FAM13B: variants seen among roughly 807,000 people sequenced by gnomAD.
FAM13B encodes the protein family with sequence similarity 13 member B, also known as protein FAM13B.
FAM13B carries 60 observed loss-of-function variants against 117.3 expected under a neutral mutation model. The ratio of observed to expected loss-of-function variants is 0.51; its 90% CI spans 0.42 to 0.63. FAM13B has a LOEUF of 0.63. Among genes scored for constraint, FAM13B ranks in the 30% least tolerant of loss-of-function variants. The pLI, the probability that FAM13B is intolerant of heterozygous loss-of-function variation, is 0.00. For synonymous variants in FAM13B, 332 were observed against 356.1 expected, an observed-to-expected ratio of 0.93 and a Z score of 0.76; for missense variants, 972 against 1,091.9, an observed-to-expected ratio of 0.89 and a Z score of 1.55.
chr5:138,010,874 A>C, intron 6 of FAM13B, 134 bp downstream of exon 6: 1 of 938,710 alleles, frequency 1.1e-6, no homozygotes, highest in Non-Finnish European at 1.5e-6. Context: ...TACTGATTAC[A>C]TATAATAACC....
At chr5:138,043,174 A>G (rs1791546430) in intron 1 of FAM13B, among the ~76,000 whole-genome samples, 1 of 152,072 alleles carries the variant, frequency 6.6e-6, no homozygotes, top group South Asian at 2.1e-4. Flanking sequence ...GACCAGCCTG[A>G]GCACCATAGT....
intron 1 of FAM13B, among the ~76,000 whole-genome samples, chr5:138,051,103 T>C (rs1218495086): frequency 6.6e-6 from 1 of 152,184 alleles, no homozygotes; most frequent in Non-Finnish European, 1.5e-5. Context: ...TTCTGAAATA[T>C]ATCCTCTCAG....
At chr5:138,012,375 C>T (rs1439770384) in intron 4 of FAM13B, among the ~76,000 whole-genome samples, 1 of 151,928 alleles carries the variant, frequency 6.6e-6, no homozygotes, top group Non-Finnish European at 1.5e-5. Flanking sequence ...ATTTGAGGGG[C>T]TAATAGTATC....
chr5:137,975,980 C>CATTTTTTTTTTTTT (rs557328911), intron 10 of FAM13B, among the ~76,000 whole-genome samples: 5 of 110,206 alleles, frequency 4.5e-5, no homozygotes, highest in African/African-American at 1.8e-4. Flanking sequence ...TCAACTCTTC[C>CATTTTTTTTTTTTT]TTTTTTTTTT....
intron 20 of FAM13B, among the ~76,000 whole-genome samples, chr5:137,945,172 C>T (rs1200278933): frequency 6.6e-6 from 1 of 151,940 alleles, no homozygotes; most frequent in Non-Finnish European, 1.5e-5. Flanking sequence ...AAGTAGCTGT[C>T]TACATAAAAA....
intron 10 of FAM13B, among the ~76,000 whole-genome samples, chr5:137,985,020 T>C (rs915582185): frequency 5.3e-5 from 8 of 152,076 alleles, no homozygotes; most frequent in Non-Finnish European, 1.2e-4. Flanking sequence ...CTGCCCGCCT[T>C]GGCCTCCCAA....
chr5:138,043,915 G>C (rs954293496), intron 1 of FAM13B, among the ~76,000 whole-genome samples: 1 of 151,538 alleles, frequency 6.6e-6, no homozygotes, highest in Non-Finnish European at 1.5e-5. Context: ...ATGAAAAGGG[G>C]GGTATTTTGG....
At position 138,032,877 on chromosome 5, in the gene FAM13B, C is replaced by G; in HGVS notation, c.-298G>C. On this transcript the variant is annotated 5_prime_UTR_variant, in exon 1 of 24. Transcript: ENST00000689681. ...CGAGAACTGAGGCCCCAAGTGGCTC[C>G]GCGGCCGAGAAGCCTCTTCCTGGGG... 3 of 985,744 alleles carry G rather than the reference C, an allele frequency of 3.0e-6. No homozygotes were observed. The highest frequency in any genetic ancestry group is 3.6e-6 in the Non-Finnish European group (3 of 829,984). 61.1% of individuals were successfully genotyped at this position (985,744 alleles called of 1,614,324 possible).
intron 7 of FAM13B, among the ~76,000 whole-genome samples, chr5:138,004,775 G>A (rs1262693917): frequency 6.6e-6 from 1 of 152,088 alleles, no homozygotes; most frequent in Non-Finnish European, 1.5e-5. Context: ...AGCTACACAG[G>A]AGGCTGAGGC....
chr5:138,029,990 T>C (rs908233601), intron 1 of FAM13B, among the ~76,000 whole-genome samples: 2 of 152,182 alleles, frequency 1.3e-5, no homozygotes, highest in African/African-American at 4.8e-5. Flanking sequence ...ATAAAAGACT[T>C]GCAATATTTC....
intron 4 of FAM13B, among the ~76,000 whole-genome samples, chr5:138,016,996 T>A (rs1198917810): frequency 6.6e-6 from 1 of 152,176 alleles, no homozygotes; most frequent in Non-Finnish European, 1.5e-5. Context: ...ATTCCTGTAA[T>A]AATAAAATGG....
intron 1 of FAM13B, among the ~76,000 whole-genome samples, chr5:138,028,681 A>C (rs1789081681): frequency 6.6e-6 from 1 of 152,170 alleles, no homozygotes; most frequent in South Asian, 2.1e-4. Flanking sequence ...TCAGGAATTC[A>C]AGACCAGCCT....
At chr5:138,019,315 A>G (rs1235836384) in intron 2 of FAM13B, among the ~76,000 whole-genome samples, 169 bp from the exon 3 acceptor site, 1 of 152,242 alleles carries the variant, frequency 6.6e-6, no homozygotes, top group Non-Finnish European at 1.5e-5. Flanking sequence ...ACAATTACCT[A>G]AACATATTCC....
In FAM13B at chr5:138,027,335, T is replaced by C. The variant is rs1326161364; in HGVS notation, c.-203+5447A>G. 2.0e-5 allele frequency among the ~76,000 whole-genome samples: 3 copies of C among 152,146 alleles called. No homozygotes were observed. The East Asian group carries it at 5.8e-4, about 29-fold the overall frequency. On this transcript the variant is annotated intron_variant, in intron 1 of 23. Coordinates refer to ENST00000689681, the MANE Select transcript of FAM13B (RefSeq NM_001385994.1). ...TCCCTATTATCACTGGTATACAAAG[T>C]CAGAAAAGCCAGCAGGAAGCTGGGT...
intron 13 of FAM13B, among the ~76,000 whole-genome samples, chr5:137,957,270 G>A (rs959219434): frequency 1.4e-4 from 22 of 152,068 alleles, no homozygotes; most frequent in Non-Finnish European, 2.8e-4. Context: ...GGCCGGGCAC[G>A]GTGGCTCACA....
At position 138,032,738 on chromosome 5, in the gene FAM13B, C is replaced by G. The variant is rs542799949; in HGVS notation, c.-203+44G>C. On this transcript the variant is annotated intron_variant, in intron 1 of 23. Transcript: ENST00000689681. ...GGAGGGGAAGGGCCGCGGCGACCTG[C>G]AACCCGCGCATGCGCAGATCCGGGT... is the stretch of plus-strand genomic sequence containing the variant. 25 of 985,718 alleles carry G rather than the reference C, an allele frequency of 2.5e-5. No individual in the cohort carries two copies. The East Asian group carries it at 2.2e-3, about 85-fold the overall frequency. 61.1% of individuals were successfully genotyped at this position (985,718 alleles called of 1,614,324 possible). A position where few individuals can be genotyped will look rare whatever the true frequency, so the allele number is the denominator to read the frequency against.
At position 137,987,631 on chromosome 5, in the gene FAM13B, G is replaced by A. The variant is rs200280695; in HGVS notation, c.891-15C>T. 1.1e-5 allele frequency: 17 copies of A among 1,601,978 alleles called. No individual in the cohort carries two copies. The East Asian group carries it at 2.2e-4, about 21-fold the overall frequency. On this transcript the variant is annotated splice_polypyrimidine_tract_variant and intron_variant, in intron 8 of 23. Transcript: ENST00000689681. ...TTTCTAAAATACTACAAAACAACAC[G>A]TTTTAGTAAGAAGCAGTCACTCTAA...
At chr5:138,026,896 G>A (rs963275383) in intron 1 of FAM13B, among the ~76,000 whole-genome samples, 23 of 150,726 alleles carry the variant, frequency 1.5e-4, no homozygotes, top group Admixed American at 2.6e-4. Context: ...CCGAGATCGC[G>A]CCATTGCACT....
rs187918896 is a variant in FAM13B, at chr5:137,947,877, G to A, written c.2160+1078C>T. Among the ~76,000 whole-genome samples, 147 of 152,182 alleles carry A rather than the reference G, an allele frequency of 9.7e-4. 1 individual carries two copies. The highest frequency in any genetic ancestry group is 1.7e-3 in the Non-Finnish European group (113 of 67,994). On this transcript the variant is annotated intron_variant, in intron 18 of 23. Transcript: ENST00000689681. ...TGGGATTACAGGCGTGAGGCACCGC[G>A]CCTGGCCAAAAGAAATTTTTTTTTA...
Sources: gnomAD v4.1 joint callset for allele counts (sites outside exome capture counted in the v4.1 genomes callset) on GRCh38, gnomAD v4.1.1 for gene constraint, MANE v1.5 for transcripts, NCBI Gene and HGNC (gene_info 2026-07-23, HGNC 2026-07-21) for gene names.